RFX6: variants seen among roughly 807,000 people sequenced by gnomAD.
The protein encoded by RFX6 is regulatory factor X6.
Under a neutral mutation model 110.8 loss-of-function variants are expected in RFX6, and 50 were observed. The observed-to-expected ratio is 0.45, with a 90% CI of 0.36 to 0.57. The LOEUF (loss-of-function observed/expected upper bound fraction) is 0.57. Ranked by LOEUF, RFX6 falls within the 20% of genes least tolerant of loss-of-function variation. RFX6 has a pLI of 0.00. For missense variants in RFX6, 990 were observed against 1,127.0 expected, an observed-to-expected ratio of 0.88 and a Z score of 1.74; for synonymous variants, 383 against 411.2, an observed-to-expected ratio of 0.93 and a Z score of 0.83.
intron 10 of RFX6, among the ~76,000 whole-genome samples, chr6:116,918,790 T>C (rs1775529485): frequency 6.6e-6 from 1 of 152,108 alleles, no homozygotes; most frequent in South Asian, 2.1e-4. Context: ...TATATGATAG[T>C]TGGTATTAGC....
chr6:116,910,883 G>A, intron 6 of RFX6, 52 bp from the exon 7 acceptor site: 1 of 1,161,200 alleles, frequency 8.6e-7, no homozygotes, highest in Non-Finnish European at 1.3e-6. Flanking sequence ...ATAGTACTTT[G>A]GAAGCATATA....
intron 12 of RFX6, among the ~76,000 whole-genome samples, chr6:116,921,108 T>C (rs1366364314): frequency 1.3e-5 from 2 of 152,180 alleles, no homozygotes; most frequent in Non-Finnish European, 2.9e-5. Flanking sequence ...CCTCCCTCTG[T>C]CTTTGAAAAG....
chr6:116,905,173 G>T (rs1263562278), intron 6 of RFX6, among the ~76,000 whole-genome samples: 1 of 152,094 alleles, frequency 6.6e-6, no homozygotes, highest in Non-Finnish European at 1.5e-5. Context: ...TCACATCCTT[G>T]ACAACACTTG....
chr6:116,885,376 CAA>C (rs1774678987), intron 4 of RFX6, among the ~76,000 whole-genome samples: 1 of 152,110 alleles, frequency 6.6e-6, no homozygotes, highest in African/African-American at 2.4e-5. Flanking sequence ...ATTAATGACT[CAA>C]TATAAAATAT....
chr6:116,878,973 C>G (rs558299780), intron 2 of RFX6, among the ~76,000 whole-genome samples: 134 of 151,846 alleles, frequency 8.8e-4, no homozygotes, highest in African/African-American at 3.1e-3. Flanking sequence ...GTCGTGGTTA[C>G]TAGTTAAGAA....
Position 116,877,348 on chromosome 6 carries a change from C to G in RFX6, c.73C>G (p.Gln25Glu). The stretch of plus-strand genomic sequence containing the variant: ...TGCGCCCCAACTGTCCCCGGGGATC[C>G]AGGAAGACTGCTGTGTGCAGCTCCT... Reference protein sequence around the residue: ...QPAPQLSPGIQEDCCVQLLGK... With the variant: ...QPAPQLSPGIEEDCCVQLLGK... Residue 25 changes from glutamine to glutamate, a missense_variant, in exon 1 of 19, where the codon CAG (glutamine) becomes GAG (glutamate). Gln to Glu is a conservative substitution (Grantham distance 29). Around this residue, in one of 5 missense-constraint regions of RFX6, gnomAD observed 175 missense variants for 162.3 expected, o/e 1.08. Transcript: ENST00000332958. 6.2e-7 allele frequency: 1 copy of G among 1,612,834 alleles called. No individual in the cohort carries two copies. Among genetic ancestry groups the G allele is most frequent in the Non-Finnish European group, 8.5e-7 (1 of 1,179,554 alleles).
chr6:116,929,543 C>T (rs975864889), intron 18 of RFX6, among the ~76,000 whole-genome samples: 4 of 152,102 alleles, frequency 2.6e-5, no homozygotes, highest in Admixed American at 1.3e-4. Flanking sequence ...ATAAGAAAAA[C>T]GTGTGCTTGC....
At chr6:116,895,566 C>T (rs1352433713) in intron 6 of RFX6, among the ~76,000 whole-genome samples, 1 of 152,064 alleles carries the variant, frequency 6.6e-6, no homozygotes, top group Non-Finnish European at 1.5e-5. Context: ...TTGGACTGCA[C>T]CCATTTAGAC....
At chr6:116,922,679 G>A (rs544243939) in intron 13 of RFX6, among the ~76,000 whole-genome samples, 13 of 152,118 alleles carry the variant, frequency 8.5e-5, no homozygotes, top group African/African-American at 3.1e-4. Flanking sequence ...TCCATATCAA[G>A]GAGACTAGTT....
At chr6:116,909,237 C>T (rs1337143227) in intron 6 of RFX6, among the ~76,000 whole-genome samples, 1 of 151,772 alleles carries the variant, frequency 6.6e-6, no homozygotes, top group Non-Finnish European at 1.5e-5. Flanking sequence ...TTCTCTTTTC[C>T]TATATCACCA....
intron 6 of RFX6, among the ~76,000 whole-genome samples, chr6:116,906,046 G>C (rs1010077249): frequency 1.3e-5 from 2 of 152,024 alleles, no homozygotes; most frequent in African/African-American, 2.4e-5. Context: ...TGAGGTAAAG[G>C]TCTGACTTTA....
intron 6 of RFX6, among the ~76,000 whole-genome samples, chr6:116,901,897 G>A (rs1246263381): frequency 2.0e-5 from 3 of 152,002 alleles, no homozygotes; most frequent in African/African-American, 4.8e-5. Flanking sequence ...TGTTCACTGC[G>A]ACATGGTTTA....
At chr6:116,923,298 T>C in intron 14 of RFX6, 74 bp downstream of exon 14, 1 of 802,550 alleles carries the variant, frequency 1.2e-6, no homozygotes, top group Non-Finnish European at 2.3e-6. Flanking sequence ...TTCCTGTCAA[T>C]TTTTAAACAT....
chr6:116,901,984 A>G (rs1775085387), intron 6 of RFX6, among the ~76,000 whole-genome samples: 1 of 152,116 alleles, frequency 6.6e-6, no homozygotes, highest in Non-Finnish European at 1.5e-5. Context: ...CATTTATACA[A>G]TGGAGTGCTA....
In RFX6 at chr6:116,877,274, G is replaced by A; in HGVS notation, c.-2G>A. 6.2e-7 allele frequency: 1 copy of A among 1,607,370 alleles called. No individual in the cohort carries two copies. On this transcript the variant is annotated 5_prime_UTR_variant, in exon 1 of 19. Coordinates refer to ENST00000332958, the MANE Select transcript of RFX6 (RefSeq NM_173560.4). Reference sequence around the variant, plus strand: ...GCGCGGAGGTGTCCGGCGGCCAGGAGGATGGCCAAGGTCCCGGAGCTGGAA... The same window carrying A: ...GCGCGGAGGTGTCCGGCGGCCAGGAAGATGGCCAAGGTCCCGGAGCTGGAA...
intron 6 of RFX6, among the ~76,000 whole-genome samples, chr6:116,900,227 T>C (rs1253295226): frequency 6.6e-6 from 1 of 152,200 alleles, no homozygotes; most frequent in Non-Finnish European, 1.5e-5. Context: ...CCTTTCCTGC[T>C]AATTCTACTT....
Position 116,891,756 on chromosome 6 carries a change from A to G in RFX6, c.567-2231A>G, listed in dbSNP as rs557279060. Among the ~76,000 whole-genome samples the G allele has an allele frequency of 4.6e-5, 7 of 152,264 alleles. No individual in the cohort carries two copies. The East Asian group carries it at 1.2e-3, about 25-fold the overall frequency. On this transcript the variant is annotated intron_variant, in intron 4 of 18. Transcript: ENST00000332958. ...ACAGTTTTAAATATTTCTCTTACCTATATCTATTAATATAGCTCCTTTGGT... is the reference window on the plus strand; with the variant it reads ...ACAGTTTTAAATATTTCTCTTACCTGTATCTATTAATATAGCTCCTTTGGT...
intron 15 of RFX6, 117 bp downstream of exon 15, chr6:116,924,908 A>T: frequency 1.3e-6 from 1 of 745,144 alleles, no homozygotes; most frequent in Non-Finnish European, 2.3e-6. Context: ...TTCTCCAAAC[A>T]TGTCATTACT....
chr6:116,886,349 T>C (rs1184650091), intron 4 of RFX6, among the ~76,000 whole-genome samples: 1 of 152,186 alleles, frequency 6.6e-6, no homozygotes, highest in Non-Finnish European at 1.5e-5. Flanking sequence ...TCAGAATTTA[T>C]TTTAGATTAT....
Sources: allele counts gnomAD v4.1 joint callset (sites outside exome capture counted in the v4.1 genomes callset), GRCh38; gene constraint gnomAD v4.1.1; regional missense constraint gnomAD v4.1.1; transcripts MANE v1.5; gene names NCBI Gene and HGNC (gene_info 2026-07-23, HGNC 2026-07-21).